PDHX: variants seen among roughly 807,000 people sequenced by gnomAD.
The protein encoded by PDHX is pyruvate dehydrogenase protein X component, mitochondrial.
In PDHX, 33 loss-of-function variants were observed where a neutral mutation model predicts 55.3. The observed-to-expected ratio is 0.60, with a 90% confidence interval of 0.45 to 0.80. The LOEUF (loss-of-function observed/expected upper bound fraction) is 0.80, where lower values mean the gene tolerates loss of function less well. Among genes scored for constraint, PDHX ranks in the 30% least tolerant of loss-of-function variants. The probability of loss-of-function intolerance (pLI) is 0.00; values close to 1 mark genes in which losing one functional copy is unlikely to be tolerated. For synonymous variants in PDHX, 226 were observed against 219.4 expected, an observed-to-expected ratio of 1.03 and a Z score of -0.27; for missense variants, 622 against 619.9, an observed-to-expected ratio of 1.00 and a Z score of -0.04.
At position 34,991,320 on chromosome 11, in the gene PDHX, T is replaced by C. The variant is rs1281795300; in HGVS notation, c.1183-995T>C. Among the ~76,000 whole-genome samples the C allele has an allele frequency of 7.2e-5, 11 of 152,082 alleles. No homozygotes were observed. The South Asian group carries it at 2.3e-3, about 32-fold the overall frequency. On this transcript the variant is annotated intron_variant, in intron 9 of 10. Coordinates refer to ENST00000227868, the MANE Select transcript of PDHX (RefSeq NM_003477.3). ...GCACTATAATTCCACTTCTGAAAAT[T>C]TACCTGAAATAATTCAGAAGAAACC...
intron 8 of PDHX, among the ~76,000 whole-genome samples, chr11:34,983,588 C>CGA (rs1855570451): frequency 6.7e-6 from 1 of 149,730 alleles, no homozygotes; most frequent in African/African-American, 2.6e-5. Flanking sequence ...TCAGAATACA[C>CGA]AATCAATGTG....
intron 3 of PDHX, among the ~76,000 whole-genome samples, chr11:34,956,928 G>A (rs917249295): frequency 6.6e-6 from 1 of 152,144 alleles, no homozygotes; most frequent in African/African-American, 2.4e-5. Flanking sequence ...TCTTGCATTA[G>A]GTAAATTTTA....
At chr11:34,973,442 G>A (rs984348019) in intron 7 of PDHX, among the ~76,000 whole-genome samples, 3 of 151,978 alleles carry the variant, frequency 2.0e-5, no homozygotes, top group African/African-American at 7.2e-5. Context: ...CTACCATTTT[G>A]TTCTTTCTTT....
intron 1 of PDHX, among the ~76,000 whole-genome samples, chr11:34,925,387 A>G (rs757892212): frequency 1.3e-5 from 2 of 152,212 alleles, no homozygotes; most frequent in Non-Finnish European, 2.9e-5. Flanking sequence ...GGCTTAGGAT[A>G]CAGCTTTCTA....
At chr11:34,964,078 A>G (rs748799773) in intron 5 of PDHX, among the ~76,000 whole-genome samples, 27 of 152,172 alleles carry the variant, frequency 1.8e-4, no homozygotes, top group Non-Finnish European at 3.5e-4. Flanking sequence ...TAACTTCCAG[A>G]GCATCCTCTG....
At chr11:34,929,429 A>C (rs147791930) in intron 1 of PDHX, among the ~76,000 whole-genome samples, 1 of 152,148 alleles carries the variant, frequency 6.6e-6, no homozygotes, top group Non-Finnish European at 1.5e-5. Flanking sequence ...GGGTTTCGCC[A>C]TGTTGGCCAG....
At chr11:34,949,956 T>TA (rs1225892673) in intron 3 of PDHX, among the ~76,000 whole-genome samples, 1 of 152,134 alleles carries the variant, frequency 6.6e-6, no homozygotes, top group Non-Finnish European at 1.5e-5. Context: ...AAATTTTTTT[T>TA]AAAAAAATGG....
upstream of PDHX, chr11:34,916,294 C>A: frequency 6.2e-7 from 1 of 1,611,730 alleles, no homozygotes; most frequent in Non-Finnish European, 8.5e-7. Flanking sequence ...TGGCCCAGAC[C>A]AGGGACCCGC....
rs36026065 is a variant in PDHX, at chr11:34,968,260, CA to C, written c.816+1463del. Among the ~76,000 whole-genome samples, 635 of 131,014 alleles carry C rather than the reference CA, an allele frequency of 4.8e-3. 3 individuals carry two copies. Among genetic ancestry groups the C allele is most frequent in the African/African-American group, 0.013 (441 of 32,900 alleles). The allele number at this position is 131,014 out of a possible 152,430, so 86.0% of individuals were successfully genotyped here. A position where few individuals can be genotyped will look rare whatever the true frequency, so the allele number is the denominator to read the frequency against. On this transcript the variant is annotated intron_variant, in intron 6 of 10. Transcript: ENST00000227868. ...TGGGTAATAGAGGAAGACCCTATCT[CA>C]AAAAAAAAAAAAAAAAGTTATTCAA...
At position 34,995,620 on chromosome 11, in the gene PDHX, T is replaced by C. The variant is rs1855844094; in HGVS notation, c.*448T>C. ...TAACTTAGCAGTGGGACCTCACTTT[T>C]ACAAGCACTGCTCTAGATATACTTG... On this transcript the variant is annotated 3_prime_UTR_variant, in exon 11 of 11. Coordinates refer to ENST00000227868, the MANE Select transcript of PDHX (RefSeq NM_003477.3). 4.1e-6 allele frequency: 1 copy of C among 244,696 alleles called. No individual in the cohort carries two copies. Among genetic ancestry groups the C allele is most frequent in the Non-Finnish European group, 8.0e-6 (1 of 124,386 alleles). 15.2% of individuals were successfully genotyped at this position (244,696 alleles called of 1,614,324 possible).
At chr11:34,924,699 T>C (rs1361035506) in intron 1 of PDHX, among the ~76,000 whole-genome samples, 2 of 152,120 alleles carry the variant, frequency 1.3e-5, no homozygotes, top group Non-Finnish European at 2.9e-5. Context: ...TTTTTTAAAT[T>C]AAATATTTAA....
At chr11:34,941,315 G>T (rs910288598) in intron 2 of PDHX, among the ~76,000 whole-genome samples, 3 of 152,182 alleles carry the variant, frequency 2.0e-5, no homozygotes. Context: ...GGTACTAATT[G>T]GATGGGATTG....
At chr11:34,926,437 G>A (rs1298538539) in intron 1 of PDHX, among the ~76,000 whole-genome samples, 1 of 152,032 alleles carries the variant, frequency 6.6e-6, no homozygotes, top group East Asian at 1.9e-4. Context: ...AGAAAGTACT[G>A]GATAATTTAC....
intron 3 of PDHX, among the ~76,000 whole-genome samples, chr11:34,954,928 G>A (rs1049515467): frequency 1.6e-4 from 24 of 152,166 alleles, no homozygotes; most frequent in South Asian, 6.2e-4. Context: ...TGGAGCCAGC[G>A]TTGAAACTCA....
At chr11:34,939,486 TG>T (rs1431600727) in intron 2 of PDHX, among the ~76,000 whole-genome samples, 2 of 151,882 alleles carry the variant, frequency 1.3e-5, no homozygotes, top group East Asian at 3.9e-4. Context: ...TGTGTGTGTG[TG>T]TGTGTGTGTG....
In PDHX at chr11:34,947,582, T is replaced by A; in HGVS notation, c.318T>A (p.Asp106Glu). ...CTGTGGTTACCTTAGATGCAAGTGA[T>A]GATGGAATCTTGGCCAAAATCGTGG... ...DKAVVTLDAS[D>E]DGILAKIVVE... is the part of the protein sequence containing the mutation. The change falls in exon 3 of 11, where the codon GAT becomes GAA. Residue 106 changes from aspartate (D) to glutamate (E), a missense_variant. Transcript: ENST00000227868. 1 of 1,611,908 alleles carries A rather than the reference T, an allele frequency of 6.2e-7. No individual in the cohort carries two copies. Among genetic ancestry groups the A allele is most frequent in the Non-Finnish European group, 8.5e-7 (1 of 1,177,998 alleles).
intron 4 of PDHX, among the ~76,000 whole-genome samples, chr11:34,958,581 G>A (rs543192280): frequency 2.6e-5 from 4 of 152,270 alleles, no homozygotes; most frequent in Non-Finnish European, 5.9e-5. Flanking sequence ...GATTACAGGC[G>A]TGAGCCACTG....
At chr11:34,961,433 A>G (rs1443017388) in intron 5 of PDHX, among the ~76,000 whole-genome samples, 1 of 152,212 alleles carries the variant, frequency 6.6e-6, no homozygotes, top group African/African-American at 2.4e-5. Flanking sequence ...ATTGGCAGTA[A>G]TAGTAAATGT....
In PDHX at chr11:34,966,765, C is replaced by T; in HGVS notation, c.767C>T (p.Pro256Leu). 2 of 1,614,140 alleles carry T rather than the reference C, an allele frequency of 1.2e-6. No individual in the cohort carries two copies. Among genetic ancestry groups the T allele is most frequent in the Non-Finnish European group, 1.7e-6 (2 of 1,180,010 alleles). The part of the protein sequence containing the change: ...PLQATAGPSY[P>L]RPVIPPVSTP... ...CAGGCCACAGCTGGACCATCTTATC[C>T]CCGGCCTGTGATCCCACCAGTATCA... Residue 256 changes from proline (P) to leucine (L), a missense_variant, in exon 6 of 11, where the codon CCC becomes CTC. By Grantham distance (98) the Pro-to-Leu change is moderately conservative. Coordinates refer to ENST00000227868, the MANE Select transcript of PDHX (RefSeq NM_003477.3).
Sources: gnomAD v4.1 joint callset for allele counts (sites outside exome capture counted in the v4.1 genomes callset) on GRCh38, gnomAD v4.1.1 for gene constraint, MANE v1.5 for transcripts, NCBI Gene and HGNC (gene_info 2026-07-23, HGNC 2026-07-21) for gene names.